Variants in TMPRSS7 observed in about 807,000 individuals in gnomAD.
The protein encoded by TMPRSS7 is transmembrane protease serine 7.
Under a neutral mutation model 95.6 loss-of-function variants are expected in TMPRSS7, and 81 were observed. That is an observed-to-expected ratio of 0.85 (90% CI 0.71 to 1.02). The LOEUF is 1.02. Ranked by LOEUF, TMPRSS7 falls within the 50% of genes least tolerant of loss-of-function variation. The pLI, the probability that TMPRSS7 is intolerant of heterozygous loss-of-function variation, is 0.00. For missense variants in TMPRSS7, 945 were observed against 955.2 expected, an observed-to-expected ratio of 0.99 and a Z score of 0.14; for synonymous variants, 364 against 337.8, an observed-to-expected ratio of 1.08 and a Z score of -0.85.
chr3:112,076,818 G>A lies in TMPRSS7; in HGVS notation c.1956-58G>A. 12 of 1,572,876 alleles carry A rather than the reference G, an allele frequency of 7.6e-6. No individual in the cohort carries two copies. In the South Asian group the frequency reaches 1.2e-4, roughly 16 times the overall value. ...CCTCAACTCTTTAGAGTGCTTGTTT[G>A]CAAACTGTATGTGGTTCTTTAAGCT... On this transcript the variant is annotated intron_variant, in intron 15 of 17. Coordinates refer to ENST00000452346, the Ensembl canonical transcript of TMPRSS7.
intron 15 of TMPRSS7, among the ~76,000 whole-genome samples, chr3:112,076,347 C>T (rs111677685): frequency 6.6e-6 from 1 of 152,142 alleles, no homozygotes; most frequent in Non-Finnish European, 1.5e-5. Context: ...GTTGGTGACC[C>T]TATGAATGGG....
chr3:112,036,944 T>C (rs2073153620), intron 1 of TMPRSS7, among the ~76,000 whole-genome samples: 1 of 152,210 alleles, frequency 6.6e-6, no homozygotes, highest in African/African-American at 2.4e-5. Flanking sequence ...CAATCAATAC[T>C]CTCATAATTT....
At chr3:112,063,773 A>G in intron 12 of TMPRSS7, 141 bp downstream of exon 12, 1 of 705,692 alleles carries the variant, frequency 1.4e-6, no homozygotes, top group South Asian at 1.8e-5. Context: ...CAGTGACTTA[A>G]ACAATCATTT....
chr3:112,064,716 A>T (rs921600824), intron 12 of TMPRSS7, among the ~76,000 whole-genome samples: 3 of 152,190 alleles, frequency 2.0e-5, no homozygotes, highest in African/African-American at 7.2e-5. Flanking sequence ...ATTTGTATTG[A>T]CATCACATTG....
intron 10 of TMPRSS7, among the ~76,000 whole-genome samples, chr3:112,057,432 A>T (rs2073446331): frequency 6.6e-6 from 1 of 152,094 alleles, no homozygotes; most frequent in African/African-American, 2.4e-5. Flanking sequence ...TCCATGGGGG[A>T]ATATAATAAA....
intron 3 of TMPRSS7, chr3:112,042,835 A>G: frequency 8.9e-6 from 3 of 336,820 alleles, no homozygotes; most frequent in South Asian, 7.0e-5. Flanking sequence ...CTAAAAGCAT[A>G]ATTACTTGGA....
chr3:112,055,466 G>GAC (rs1553763827), intron 9 of TMPRSS7, among the ~76,000 whole-genome samples: 1 of 151,036 alleles, frequency 6.6e-6, no homozygotes, highest in Admixed American at 6.6e-5. Context: ...CACACACACA[G>GAC]ACACACACAC....
At chr3:112,054,272 A>G (rs574898193) in intron 9 of TMPRSS7, among the ~76,000 whole-genome samples, 1 of 152,384 alleles carries the variant, frequency 6.6e-6, no homozygotes, top group South Asian at 2.1e-4. Context: ...TTACAGGTCC[A>G]GATCGGGAAA....
chr3:112,042,867 A>C, intron 3 of TMPRSS7: 2 of 374,810 alleles, frequency 5.3e-6, no homozygotes, highest in Admixed American at 6.0e-5. Context: ...GTATCTATTC[A>C]TGGCTCTTGG....
intron 7 of TMPRSS7, among the ~76,000 whole-genome samples, chr3:112,048,622 A>G (rs972057308): frequency 7.9e-5 from 12 of 152,240 alleles, no homozygotes; most frequent in Non-Finnish European, 1.0e-4. Context: ...AAAAAGGTAC[A>G]TAAATCATCC....
Position 112,066,384 on chromosome 3 carries a change from T to C in TMPRSS7, c.1556-8T>C. The C allele has an allele frequency of 6.2e-7, 1 of 1,613,376 alleles. No homozygotes were observed. The highest frequency in any genetic ancestry group is 1.1e-5 in the South Asian group (1 of 91,032). ...TCGTGAACTTTCTGTTTTTATTTTT[T>C]ATTCTAGTGAGCCCTCAACCTGCCT... On this transcript the variant is annotated splice_polypyrimidine_tract_variant and splice_region_variant and intron_variant, in intron 12 of 17. Coordinates refer to ENST00000452346, the Ensembl canonical transcript of TMPRSS7.
intron 4 of TMPRSS7, among the ~76,000 whole-genome samples, chr3:112,044,998 C>A (rs764445437): frequency 5.3e-4 from 80 of 152,178 alleles, no homozygotes; most frequent in Non-Finnish European, 9.3e-4. Context: ...GGATCTGCTA[C>A]TAGCTATGTG....
exon 11 of TMPRSS7, chr3:112,061,900 A>G (rs777116498): frequency 6.2e-7 from 1 of 1,611,066 alleles, no homozygotes; most frequent in South Asian, 1.1e-5. Context: ...TTGGCAGAAT[A>G]TGGCAGTTAC....
chr3:112,049,172 T>C (rs2073315289), intron 7 of TMPRSS7, among the ~76,000 whole-genome samples: 1 of 152,150 alleles, frequency 6.6e-6, no homozygotes, highest in Non-Finnish European at 1.5e-5. Flanking sequence ...TAATTAGCCA[T>C]GGGCCAAACC....
intron 2 of TMPRSS7, among the ~76,000 whole-genome samples, chr3:112,040,042 C>T (rs888629292): frequency 1.9e-4 from 29 of 151,918 alleles, no homozygotes; most frequent in Admixed American, 1.9e-3. Context: ...GGAACCCCTG[C>T]CCCCACCCCC....
intron 7 of TMPRSS7, among the ~76,000 whole-genome samples, chr3:112,049,410 T>G (rs1478928841): frequency 6.6e-6 from 1 of 152,224 alleles, no homozygotes; most frequent in East Asian, 1.9e-4. Flanking sequence ...ACAACACACA[T>G]GGCCTTTTTT....
At chr3:112,078,948 A>T in intron 17 of TMPRSS7, 70 bp downstream of exon 17, 5 of 1,555,498 alleles carry the variant, frequency 3.2e-6, no homozygotes, top group Non-Finnish European at 4.4e-6. Context: ...CTTAATCTAC[A>T]TAACACTGGG....
intron 6 of TMPRSS7, among the ~76,000 whole-genome samples, 191 bp downstream of exon 6, chr3:112,047,203 G>A (rs755834612): frequency 1.2e-4 from 19 of 152,124 alleles, no homozygotes; most frequent in Admixed American, 2.0e-4. Flanking sequence ...GTGTGCTGGC[G>A]TTAGTTATGG....
At chr3:112,056,884 G>C (rs770332960) in intron 9 of TMPRSS7, 141 bp from the exon 10 acceptor site, 26 of 535,010 alleles carry the variant, frequency 4.9e-5, no homozygotes, top group Non-Finnish European at 7.6e-5. Flanking sequence ...TCCTTATCCC[G>C]CTTTGTTCAG....
Sources: gnomAD v4.1 joint callset for allele counts (sites outside exome capture counted in the v4.1 genomes callset) on GRCh38, gnomAD v4.1.1 for gene constraint, MANE v1.5 for transcripts, NCBI Gene and HGNC (gene_info 2026-07-23, HGNC 2026-07-21) for gene names.